Variants in PTPRT observed in about 807,000 individuals in gnomAD.
The protein encoded by PTPRT is receptor-type tyrosine-protein phosphatase T.
A neutral mutation model predicts 176.8 loss-of-function variants in PTPRT; 56 were observed. The ratio of observed to expected loss-of-function variants is 0.32; its 90% CI spans 0.26 to 0.40. The LOEUF is 0.40. Among genes scored for constraint, PTPRT ranks in the 10% least tolerant of loss-of-function variants. PTPRT has a pLI of 1.00. For synonymous variants in PTPRT, 783 were observed against 739.0 expected (o/e 1.06, Z -0.96); for missense variants, 1,540 against 1,908.2 (o/e 0.81, Z 3.60).
chr20:42,713,154 C>CAT (rs1245269152), intron 6 of PTPRT, among the ~76,000 whole-genome samples: 1 of 127,298 alleles, frequency 7.9e-6, no homozygotes, highest in East Asian at 2.3e-4. Flanking sequence ...TACACGCACA[C>CAT]ATACACACAC....
At chr20:42,829,714 C>T (rs1420768332) in intron 2 of PTPRT, among the ~76,000 whole-genome samples, 1 of 152,022 alleles carries the variant, frequency 6.6e-6, no homozygotes, top group Non-Finnish European at 1.5e-5. Context: ...AATAAATAAA[C>T]AAGAAGAGAG....
chr20:42,349,913 A>G (rs898792435), intron 11 of PTPRT, among the ~76,000 whole-genome samples: 1 of 152,202 alleles, frequency 6.6e-6, no homozygotes, highest in African/African-American at 2.4e-5. Flanking sequence ...CTGATCTCCA[A>G]CCACGTTTGG....
chr20:42,508,252 T>C (rs1898631252), intron 7 of PTPRT, among the ~76,000 whole-genome samples: 1 of 151,892 alleles, frequency 6.6e-6, no homozygotes, highest in Non-Finnish European at 1.5e-5. Context: ...TGTTTGGTTT[T>C]GTTTCTAGGA....
intron 12 of PTPRT, among the ~76,000 whole-genome samples, chr20:42,297,505 TA>T (rs1568750016): frequency 6.6e-6 from 1 of 152,180 alleles, no homozygotes; most frequent in African/African-American, 2.4e-5. Context: ...GAATTACTAA[TA>T]GACTTTTTAT....
intron 6 of PTPRT, among the ~76,000 whole-genome samples, chr20:42,751,007 C>T (rs1181137985): frequency 1.3e-5 from 2 of 152,318 alleles, no homozygotes; most frequent in African/African-American, 4.8e-5. Flanking sequence ...TCATTTCGGT[C>T]TGTGTGTCGC....
At chr20:42,371,297 G>A (rs1293773131) in intron 9 of PTPRT, among the ~76,000 whole-genome samples, 3 of 152,178 alleles carry the variant, frequency 2.0e-5, no homozygotes, top group Non-Finnish European at 2.9e-5. Flanking sequence ...GTGACTCAGA[G>A]TCAAAGCACT....
intron 1 of PTPRT, among the ~76,000 whole-genome samples, chr20:43,087,867 C>T (rs2011661129): frequency 6.6e-6 from 1 of 152,042 alleles, no homozygotes; most frequent in Non-Finnish European, 1.5e-5. Flanking sequence ...GGGGGCACAA[C>T]ACAGAGGACA....
At chr20:42,285,157 T>C (rs2057209078) in intron 12 of PTPRT, among the ~76,000 whole-genome samples, 1 of 152,006 alleles carries the variant, frequency 6.6e-6, no homozygotes, top group Non-Finnish European at 1.5e-5. Flanking sequence ...CACCATACCC[T>C]GTGTTTTGGT....
chr20:42,048,813 TTTTTG>T, the PTPRT span, among the ~76,000 whole-genome samples: 2 of 152,144 alleles, frequency 1.3e-5, no homozygotes, highest in East Asian at 3.9e-4. Context: ...TACTAAGTTT[TTTTTG>T]TTTTGTTTTG....
chr20:42,072,217 A>G (rs956554981), downstream of PTPRT, among the ~76,000 whole-genome samples: 1 of 152,204 alleles, frequency 6.6e-6, no homozygotes, highest in Non-Finnish European at 1.5e-5. Flanking sequence ...CAAGGCTGTA[A>G]CAGCTCATGT....
At chr20:42,050,507 C>T in the PTPRT span, among the ~76,000 whole-genome samples, 3,349 of 152,190 alleles carry the variant, frequency 0.022, 137 homozygotes, top group East Asian at 0.18. Flanking sequence ...GTACTGAGCC[C>T]CTGCATGCTG....
intron 1 of PTPRT, among the ~76,000 whole-genome samples, chr20:42,955,288 T>G (rs1981553944): frequency 6.6e-6 from 1 of 152,178 alleles, no homozygotes; most frequent in African/African-American, 2.4e-5. Flanking sequence ...GGCCAGTTAG[T>G]AAAGTTGCAC....
chr20:42,147,161 C>G (rs1220161849), intron 17 of PTPRT, among the ~76,000 whole-genome samples: 1 of 152,180 alleles, frequency 6.6e-6, no homozygotes, highest in South Asian at 2.1e-4. Flanking sequence ...TCTCCAGAAC[C>G]CGATGCTGGC....
At chr20:42,470,308 T>C (rs2071170851) in intron 8 of PTPRT, among the ~76,000 whole-genome samples, 1 of 152,184 alleles carries the variant, frequency 6.6e-6, no homozygotes, top group African/African-American at 2.4e-5. Flanking sequence ...CTTGCCTAAC[T>C]TAGGACATCT....
chr20:42,198,096 G>C (rs1427253542), intron 16 of PTPRT, among the ~76,000 whole-genome samples: 5 of 152,100 alleles, frequency 3.3e-5, no homozygotes, highest in Admixed American at 3.3e-4. Context: ...AACCTCCCCA[G>C]GTAGGTTCTG....
intron 7 of PTPRT, among the ~76,000 whole-genome samples, chr20:42,477,445 C>G (rs1285178436): frequency 6.6e-6 from 1 of 152,110 alleles, no homozygotes; most frequent in African/African-American, 2.4e-5. Context: ...TCAATGGAAA[C>G]TAGGTTTTAG....
intron 16 of PTPRT, among the ~76,000 whole-genome samples, chr20:42,187,864 T>C (rs1429756569): frequency 1.3e-5 from 2 of 152,232 alleles, no homozygotes; most frequent in African/African-American, 4.8e-5. Context: ...CTATAGGTCC[T>C]CCTATATGTA....
intron 1 of PTPRT, among the ~76,000 whole-genome samples, chr20:43,084,882 T>C (rs1426408487): frequency 1.3e-5 from 2 of 152,230 alleles, no homozygotes; most frequent in African/African-American, 4.8e-5. Flanking sequence ...TCTACCTTTC[T>C]GTATTTTTCT....
At position 42,161,471 on chromosome 20, in the gene PTPRT, G is replaced by T; in HGVS notation, c.2563C>A (p.Pro855Thr). 1 of 1,614,096 alleles carries T rather than the reference G, an allele frequency of 6.2e-7. No homozygotes were observed. The highest frequency in any genetic ancestry group is 1.1e-5 in the South Asian group (1 of 91,062). The change falls in exon 17 of 31, where the codon CCT (proline) becomes ACT (threonine). Residue 855 changes from proline to threonine, a missense_variant. Transcript: ENST00000373187. ...TCCCGGGGGTAGCTCATCTCCACAGGGTCACAGGTGCGGTAGGGATGAGTC... is the reference window on the plus strand; with the variant it reads ...TCCCGGGGGTAGCTCATCTCCACAGTGTCACAGGTGCGGTAGGGATGAGTC... ...IQTHPYRTCD[P>T]VEMSYPRDQF...
Sources: allele counts gnomAD v4.1 joint callset (sites outside exome capture counted in the v4.1 genomes callset), GRCh38; gene constraint gnomAD v4.1.1; transcripts MANE v1.5; gene names NCBI Gene and HGNC (gene_info 2026-07-23, HGNC 2026-07-21).